Variants in PCDHA2 observed in about 807,000 individuals in gnomAD.
The protein encoded by PCDHA2 is protocadherin alpha 2, also known as protocadherin alpha-2.
PCDHA2 carries 58 observed loss-of-function variants against 66.0 expected under a neutral mutation model. That is an observed-to-expected ratio of 0.88 (90% CI 0.71 to 1.09). The LOEUF is 1.09. Among genes scored for constraint, PCDHA2 ranks in the 50% least tolerant of loss-of-function variants. The pLI, the probability that PCDHA2 is intolerant of heterozygous loss-of-function variation, is 0.00. For synonymous variants in PCDHA2, 634 were observed against 554.0 expected (o/e 1.14, Z -2.03); for missense variants, 1,267 against 1,242.3 (o/e 1.02, Z -0.30).
At chr5:140,893,488 C>G (rs2064010316) in intron 1 of PCDHA2, among the ~76,000 whole-genome samples, 1 of 151,368 alleles carries the variant, frequency 6.6e-6, no homozygotes, top group Non-Finnish European at 1.5e-5. Flanking sequence ...CCCTGTTCTT[C>G]ACAAAAAAGA....
intron 3 of PCDHA2, among the ~76,000 whole-genome samples, chr5:141,000,395 CTATATATATA>C (rs1190667031): frequency 1.9e-5 from 1 of 53,986 alleles, no homozygotes; most frequent in Non-Finnish European, 3.2e-5. Context: ...CTCTCTCTCT[CTATATATATA>C]TATATATATA....
At chr5:140,843,377 G>A (rs2150358675) in intron 1 of PCDHA2, 17 of 1,596,146 alleles carry the variant, frequency 1.1e-5, no homozygotes, top group Middle Eastern at 1.7e-4. Context: ...GTCGGCTGGC[G>A]TTTTGGGTCC....
At position 140,915,662 on chromosome 5, in the gene PCDHA2, G is replaced by T. The variant is rs75670796; in HGVS notation, c.2389-63287G>T. On this transcript the variant is annotated intron_variant, in intron 1 of 3. Transcript: ENST00000526136. ...TCTCTCTCTCTCTCTCTCTCAAGGT[G>T]CTGGGCCATCTTGAACTAGGGGTAT... is the stretch of plus-strand genomic sequence containing the variant. 8.2e-3 allele frequency among the ~76,000 whole-genome samples: 1,195 copies of T among 145,332 alleles called. 7 individuals are homozygous for T. Among genetic ancestry groups the T allele is most frequent in the African/African-American group, 0.02 (782 of 39,430 alleles).
intron 1 of PCDHA2, chr5:140,857,366 G>T: frequency 6.3e-7 from 1 of 1,598,350 alleles, no homozygotes. Flanking sequence ...CACGGCCAGC[G>T]TGTCTGTGGA....
At position 141,010,065 on chromosome 5, in the gene PCDHA2, A is replaced by G; in HGVS notation, c.*128A>G. The stretch of plus-strand genomic sequence containing the variant: ...CTTAGAGACCTCAGAAATCTGCAGA[A>G]AGTTCCCTGTGTCTGTCTAGAACGC... On this transcript the variant is annotated 3_prime_UTR_variant, in exon 4 of 4. Coordinates refer to ENST00000526136, the MANE Select transcript of PCDHA2 (RefSeq NM_018905.3). The G allele has an allele frequency of 1.9e-6, 3 of 1,603,546 alleles. No homozygotes were observed. The highest frequency in any genetic ancestry group is 1.1e-5 in the South Asian group (1 of 89,360).
chr5:140,901,232 AT>A (rs2068522830), intron 1 of PCDHA2, among the ~76,000 whole-genome samples: 4 of 152,022 alleles, frequency 2.6e-5, no homozygotes, highest in East Asian at 1.9e-4. Context: ...CCATATATCC[AT>A]TTTTTTCCTT....
chr5:141,001,058 A>G (rs1554257985), intron 3 of PCDHA2, among the ~76,000 whole-genome samples: 2 of 152,146 alleles, frequency 1.3e-5, no homozygotes, highest in African/African-American at 4.8e-5. Flanking sequence ...TAAATCATTT[A>G]AAATTAAATA....
intron 1 of PCDHA2, among the ~76,000 whole-genome samples, chr5:140,838,604 C>G (rs1335900872): frequency 6.6e-6 from 1 of 151,900 alleles, no homozygotes; most frequent in Non-Finnish European, 1.5e-5. Context: ...ATTGTCTAGA[C>G]TTTTAAAAAT....
Position 140,928,756 on chromosome 5 carries a change from C to T in PCDHA2, c.2389-50193C>T. 2.5e-6 allele frequency: 4 copies of T among 1,614,164 alleles called. No individual in the cohort carries two copies. The highest frequency in any genetic ancestry group is 3.4e-6 in the Non-Finnish European group (4 of 1,180,032). On this transcript the variant is annotated intron_variant, in intron 1 of 3. Transcript: ENST00000526136. The stretch of plus-strand genomic sequence containing the variant: ...CAATATAGGTGAGCTCCGTACTGCT[C>T]GCTTAGTTCTTCCCACTGATGCAGT...
chr5:140,818,363 T>A (rs1766341605), intron 1 of PCDHA2, among the ~76,000 whole-genome samples: 1 of 152,260 alleles, frequency 6.6e-6, no homozygotes, highest in Non-Finnish European at 1.5e-5. Flanking sequence ...TTGATTGAAT[T>A]CTTAACTTGA....
chr5:140,834,402 T>A (rs2150216661), intron 1 of PCDHA2: 1 of 1,606,068 alleles, frequency 6.2e-7, no homozygotes, highest in Non-Finnish European at 8.5e-7. Context: ...CCCGAATGGA[T>A]ACGACCCAGG....
intron 1 of PCDHA2, chr5:140,968,816 G>A: frequency 6.2e-7 from 1 of 1,614,144 alleles, no homozygotes. Context: ...GGTGGATAGG[G>A]TTTCCAAAAT....
chr5:140,823,188 C>T (rs1562269864), intron 1 of PCDHA2: 1 of 1,613,902 alleles, frequency 6.2e-7, no homozygotes, highest in Admixed American at 1.7e-5. Flanking sequence ...CGCCAGGCTG[C>T]CACATCTTCA....
At chr5:140,967,695 T>C (rs782761674) in intron 1 of PCDHA2, 5 of 1,614,184 alleles carry the variant, frequency 3.1e-6, no homozygotes, top group Admixed American at 1.7e-5. Flanking sequence ...CTCTTCAGCA[T>C]AGATGCCAGT....
intron 3 of PCDHA2, among the ~76,000 whole-genome samples, chr5:141,005,814 A>T (rs947359019): frequency 6.7e-6 from 1 of 149,766 alleles, no homozygotes; most frequent in Non-Finnish European, 1.5e-5. Flanking sequence ...GGAGCCAGGT[A>T]TGGTGGCCTG....
intron 1 of PCDHA2, chr5:140,823,708 C>T (rs1430700090): frequency 1.5e-5 from 25 of 1,613,828 alleles, no homozygotes; most frequent in Non-Finnish European, 2.0e-5. Flanking sequence ...ACCGCGCCAC[C>T]GCCTTCTGGT....
At chr5:140,834,412 G>T in intron 1 of PCDHA2, 1 of 1,611,044 alleles carries the variant, frequency 6.2e-7, no homozygotes, top group Non-Finnish European at 8.5e-7. Flanking sequence ...TACGACCCAG[G>T]GGGCCGACAT....
At chr5:140,966,973 G>A (rs782189736) in intron 1 of PCDHA2, 9 of 1,602,936 alleles carry the variant, frequency 5.6e-6, no homozygotes, top group African/African-American at 4.0e-5. Flanking sequence ...GGCTTGAGCT[G>A]CGGCGCTTGG....
In PCDHA2 at chr5:140,821,405, G is replaced by C. The variant is rs1217305998; in HGVS notation, c.2388+24053G>C. The C allele has an allele frequency of 2.3e-5, 4 of 172,660 alleles. 1 individual carries two copies. The highest frequency in any genetic ancestry group is 5.0e-5 in the Non-Finnish European group (4 of 80,692). 10.7% of individuals were successfully genotyped at this position (172,660 alleles called of 1,614,324 possible). A position where few individuals can be genotyped will look rare whatever the true frequency, so the allele number is the denominator to read the frequency against. On this transcript the variant is annotated intron_variant, in intron 1 of 3. Transcript: ENST00000526136. ...ACGCACTTATATTGACGCATTTTAA[G>C]ATAGAGTTTAATGATATATTTTGAC...
Sources: allele counts gnomAD v4.1 joint callset (sites outside exome capture counted in the v4.1 genomes callset), GRCh38; gene constraint gnomAD v4.1.1; transcripts MANE v1.5; gene names NCBI Gene and HGNC (gene_info 2026-07-23, HGNC 2026-07-21).